FARS2: variants seen among roughly 807,000 people sequenced by gnomAD.
The protein encoded by FARS2 is phenylalanine--tRNA ligase, mitochondrial.
FARS2 carries 40 observed loss-of-function variants against 46.4 expected under a neutral mutation model. The observed-to-expected ratio is 0.86, with a 90% CI of 0.67 to 1.12. The LOEUF (loss-of-function observed/expected upper bound fraction) is 1.12, where lower values mean the gene tolerates loss of function less well. Ranked by LOEUF, FARS2 falls within the 50% of genes most tolerant of loss-of-function variation. The pLI is 0.00. For missense variants in FARS2, 513 were observed against 567.9 expected, an observed-to-expected ratio of 0.90 and a Z score of 0.98; for synonymous variants, 234 against 214.9, an observed-to-expected ratio of 1.09 and a Z score of -0.78.
rs2127594763 is a variant in FARS2, at chr6:5,343,034, C to G, written c.-21-25516C>G. Among the ~76,000 whole-genome samples the G allele has an allele frequency of 6.6e-6, 1 of 152,230 alleles. No homozygotes were observed. The highest frequency in any genetic ancestry group is 1.9e-4 in the East Asian group (1 of 5,176). ...AGCTAGTGCCTTACAAGAAAACAGACAAAACCTCATTAAAATCTACATCAC... is the reference window on the plus strand; with the variant it reads ...AGCTAGTGCCTTACAAGAAAACAGAGAAAACCTCATTAAAATCTACATCAC... On this transcript the variant is annotated intron_variant, in intron 1 of 6. Coordinates refer to ENST00000274680, the MANE Select transcript of FARS2 (RefSeq NM_006567.5). This position sits in a 1 kb window ranked among gnomAD's most constrained non-coding sequence, Gnocchi z 4.5.
At chr6:5,285,509 G>A (rs552486374) in intron 1 of FARS2, among the ~76,000 whole-genome samples, 17 of 152,324 alleles carry the variant, frequency 1.1e-4, no homozygotes, top group East Asian at 5.8e-4. Flanking sequence ...CTCGTAAAGC[G>A]TGTAGGAGGA....
chr6:5,460,017 A>G (rs1448274523), intron 4 of FARS2, among the ~76,000 whole-genome samples: 2 of 152,170 alleles, frequency 1.3e-5, no homozygotes, highest in African/African-American at 2.4e-5. Flanking sequence ...TCATTCATCT[A>G]ACTTCTCTGC....
At chr6:5,576,606 T>C (rs1772990095) in intron 5 of FARS2, among the ~76,000 whole-genome samples, 2 of 134,356 alleles carry the variant, frequency 1.5e-5, no homozygotes, top group East Asian at 2.1e-4. Context: ...TGATATATTA[T>C]ATATATAAAG....
intron 5 of FARS2, among the ~76,000 whole-genome samples, chr6:5,595,923 C>G (rs1774173510): frequency 6.6e-6 from 1 of 152,066 alleles, no homozygotes; most frequent in Admixed American, 6.5e-5. Context: ...GTGACCTCCC[C>G]CTTAGACCTC....
intron 4 of FARS2, chr6:5,452,546 T>G (rs1367008907): frequency 6.6e-6 from 1 of 152,378 alleles, no homozygotes; most frequent in African/African-American, 2.4e-5. Flanking sequence ...GTTTGCACTG[T>G]TCACTAGCTG....
chr6:5,494,593 T>C (rs1456167195), intron 4 of FARS2, among the ~76,000 whole-genome samples: 2 of 152,178 alleles, frequency 1.3e-5, no homozygotes, highest in African/African-American at 2.4e-5. Context: ...ACTCCATTAT[T>C]AGGTTCATGC....
chr6:5,474,950 G>A (rs745934148), intron 4 of FARS2, among the ~76,000 whole-genome samples: 1 of 152,130 alleles, frequency 6.6e-6, no homozygotes, highest in Admixed American at 6.5e-5. Context: ...GAGCCACCAC[G>A]CCGGTGCCCA....
chr6:5,412,671 A>G (rs368163073), intron 3 of FARS2, among the ~76,000 whole-genome samples: 14 of 152,202 alleles, frequency 9.2e-5, no homozygotes, highest in African/African-American at 2.9e-4. Context: ...TAAGAATTAG[A>G]TTTATAATTA....
intron 4 of FARS2, among the ~76,000 whole-genome samples, chr6:5,434,875 T>C (rs1450915476): frequency 1.3e-5 from 2 of 152,158 alleles, no homozygotes; most frequent in East Asian, 1.9e-4. Flanking sequence ...AAGGTTCTTA[T>C]AGAGAATCAG....
upstream of FARS2, among the ~76,000 whole-genome samples, chr6:5,259,878 C>A (rs1272326997): frequency 6.6e-6 from 1 of 152,070 alleles, no homozygotes; most frequent in South Asian, 2.1e-4. Context: ...TCAGAACCAG[C>A]AACACTGTGA....
chr6:5,514,038 T>C (rs534768912), intron 4 of FARS2, among the ~76,000 whole-genome samples: 1 of 151,820 alleles, frequency 6.6e-6, no homozygotes, highest in South Asian at 2.1e-4. Flanking sequence ...AAGGAGAGTA[T>C]ACAATGCAGT....
intron 1 of FARS2, among the ~76,000 whole-genome samples, chr6:5,290,586 A>C (rs2127512480): frequency 6.6e-6 from 1 of 152,366 alleles, no homozygotes; most frequent in South Asian, 2.1e-4. Context: ...TTGAAGGACA[A>C]AAATTCTAGG....
intron 6 of FARS2, among the ~76,000 whole-genome samples, chr6:5,669,713 G>A (rs1183898840): frequency 6.6e-6 from 1 of 152,164 alleles, no homozygotes; most frequent in African/African-American, 2.4e-5. Context: ...TTGGCCTCCT[G>A]ATGGCAAACA....
chr6:5,587,540 A>G (rs566424033), intron 5 of FARS2, among the ~76,000 whole-genome samples: 87 of 152,334 alleles, frequency 5.7e-4, no homozygotes, highest in African/African-American at 2.0e-3. Flanking sequence ...CCACCACAGC[A>G]TATTTCATGC....
At chr6:5,375,946 A>G (rs550178792) in intron 2 of FARS2, among the ~76,000 whole-genome samples, 2 of 152,310 alleles carry the variant, frequency 1.3e-5, no homozygotes, top group African/African-American at 4.8e-5. Context: ...AGAAAAATCC[A>G]TAAGGGAAAA....
intron 4 of FARS2, among the ~76,000 whole-genome samples, chr6:5,505,731 T>C (rs920913253): frequency 2.5e-4 from 38 of 152,062 alleles, no homozygotes; most frequent in African/African-American, 9.2e-4. Context: ...GTTTCTCAAC[T>C]TTGCACTTGA....
chr6:5,711,903 A>G (rs557825536), intron 6 of FARS2, among the ~76,000 whole-genome samples: 1 of 152,194 alleles, frequency 6.6e-6, no homozygotes, highest in East Asian at 1.9e-4. Context: ...TGACTAACAT[A>G]CTCGTGTACC....
chr6:5,585,457 G>C (rs76946161), intron 5 of FARS2, among the ~76,000 whole-genome samples: 2,359 of 152,016 alleles, frequency 0.016, 56 homozygotes, highest in African/African-American at 0.053. Flanking sequence ...TGTGCCCTTT[G>C]ACCAACACCT....
chr6:5,617,220 A>T (rs897496398), intron 6 of FARS2, among the ~76,000 whole-genome samples: 1 of 152,274 alleles, frequency 6.6e-6, no homozygotes, highest in African/African-American at 2.4e-5. Context: ...CTGACCTGCT[A>T]AAAGGTGAAC....
Sources: gnomAD v4.1 joint callset for allele counts (sites outside exome capture counted in the v4.1 genomes callset) on GRCh38, gnomAD v4.1.1 for gene constraint, Gnocchi (gnomAD v3.1) non-coding constraint, MANE v1.5 for transcripts, NCBI Gene and HGNC (gene_info 2026-07-23, HGNC 2026-07-21) for gene names.